The following NECAB1 variants were observed in gnomAD, a reference collection of about 807,000 sequenced individuals.
The protein encoded by NECAB1 is N-terminal EF-hand calcium-binding protein 1.
Under a neutral mutation model 57.5 loss-of-function variants are expected in NECAB1, and 29 were observed. The observed-to-expected ratio is 0.50, with a 90% CI of 0.38 to 0.69. The LOEUF (loss-of-function observed/expected upper bound fraction) is 0.69. Among genes scored for constraint, NECAB1 ranks in the 30% least tolerant of loss-of-function variants. The pLI is 0.00. For synonymous variants in NECAB1, 142 were observed against 147.7 expected, an observed-to-expected ratio of 0.96 and a Z score of 0.28; for missense variants, 372 against 413.8, an observed-to-expected ratio of 0.90 and a Z score of 0.88.
chr8:90,945,476 A>G (rs997626476), intron 10 of NECAB1, among the ~76,000 whole-genome samples: 4 of 152,212 alleles, frequency 2.6e-5, no homozygotes, highest in Non-Finnish European at 4.4e-5. Context: ...TTGGGATAAC[A>G]GGAGTGAGCC....
chr8:90,867,565 G>A (rs1034211232), intron 3 of NECAB1, among the ~76,000 whole-genome samples: 11 of 151,886 alleles, frequency 7.2e-5, no homozygotes, highest in African/African-American at 1.9e-4. Flanking sequence ...CTATCATTCC[G>A]AGACTTCTAA....
At chr8:90,893,536 G>C (rs1179308394) in intron 5 of NECAB1, among the ~76,000 whole-genome samples, 1 of 152,164 alleles carries the variant, frequency 6.6e-6, no homozygotes, top group Non-Finnish European at 1.5e-5. Flanking sequence ...GCCCAGATGG[G>C]TGTCCCTTCC....
chr8:90,814,841 G>T (rs899402051), intron 2 of NECAB1, among the ~76,000 whole-genome samples: 1 of 152,088 alleles, frequency 6.6e-6, no homozygotes, highest in Non-Finnish European at 1.5e-5. Context: ...AGAAACCAAG[G>T]TCTGGATAAT....
chr8:90,951,886 C>G (rs555602888), intron 12 of NECAB1, among the ~76,000 whole-genome samples: 1 of 151,944 alleles, frequency 6.6e-6, no homozygotes, highest in Non-Finnish European at 1.5e-5. Context: ...TTGAGCTAGT[C>G]CTTAAAAGAT....
At chr8:90,800,067 A>T (rs768561063) in intron 1 of NECAB1, among the ~76,000 whole-genome samples, 9 of 152,086 alleles carry the variant, frequency 5.9e-5, no homozygotes, top group Non-Finnish European at 8.8e-5. Flanking sequence ...TTGTGTAGCT[A>T]TTGTAAATGG....
chr8:90,906,426 C>T (rs1809650353), intron 5 of NECAB1, among the ~76,000 whole-genome samples: 1 of 152,110 alleles, frequency 6.6e-6, no homozygotes, highest in Non-Finnish European at 1.5e-5. Context: ...AGTGTTCCAG[C>T]TTCAACCCCC....
chr8:90,890,244 CTGTTCTCG>C (rs1266417504), intron 5 of NECAB1, among the ~76,000 whole-genome samples: 1 of 152,124 alleles, frequency 6.6e-6, no homozygotes, highest in Non-Finnish European at 1.5e-5. Flanking sequence ...TTCCTCCATG[CTGTTCTCG>C]TGATAGTGAA....
At chr8:90,810,096 T>C (rs1811932160) in intron 2 of NECAB1, among the ~76,000 whole-genome samples, 1 of 152,226 alleles carries the variant, frequency 6.6e-6, no homozygotes, top group African/African-American at 2.4e-5. Flanking sequence ...ATCCAGATTT[T>C]CTTCTAAACT....
chr8:90,885,930 A>C (rs1192188582), intron 5 of NECAB1, among the ~76,000 whole-genome samples: 1 of 152,218 alleles, frequency 6.6e-6, no homozygotes, highest in Non-Finnish European at 1.5e-5. Context: ...TCCAGAGCTC[A>C]GTGTAATATG....
At chr8:90,919,254 T>C (rs932803914) in intron 6 of NECAB1, among the ~76,000 whole-genome samples, 3 of 152,148 alleles carry the variant, frequency 2.0e-5, no homozygotes, top group African/African-American at 4.8e-5. Flanking sequence ...CTGGGGCATA[T>C]TTTGGCAGAT....
chr8:90,849,416 C>T (rs1289244759), intron 3 of NECAB1, among the ~76,000 whole-genome samples: 1 of 151,032 alleles, frequency 6.6e-6, no homozygotes, highest in Non-Finnish European at 1.5e-5. Context: ...CAGCAATGAG[C>T]TATGATTGGG....
At position 90,808,674 on chromosome 8, in the gene NECAB1, C is replaced by T. The variant is rs1304871385; in HGVS notation, c.124+6959C>T. 5.2e-5 allele frequency among the ~76,000 whole-genome samples: 5 copies of T among 96,168 alleles called. No individual in the cohort carries two copies. The South Asian group carries it at 1.4e-3, about 28-fold the overall frequency. 63.1% of individuals were successfully genotyped at this position (96,168 alleles called of 152,430 possible). On this transcript the variant is annotated intron_variant, in intron 2 of 12. Coordinates refer to ENST00000417640, the MANE Select transcript of NECAB1 (RefSeq NM_022351.5). ...TTTTTTTTTTTTTTTGAGATGGAAT[C>T]TCACTTTGTCGCCCAGGCTGGAGTG...
chr8:90,815,497 A>G (rs974230603), intron 2 of NECAB1, among the ~76,000 whole-genome samples: 2 of 152,034 alleles, frequency 1.3e-5, no homozygotes, highest in Non-Finnish European at 1.5e-5. Flanking sequence ...AGCATGTCAT[A>G]CAAAATAGTT....
intron 3 of NECAB1, among the ~76,000 whole-genome samples, chr8:90,830,475 T>C (rs1812284580): frequency 6.6e-6 from 1 of 152,084 alleles, no homozygotes; most frequent in East Asian, 1.9e-4. Context: ...TACATCAGAC[T>C]AACATGCAAT....
intron 4 of NECAB1, among the ~76,000 whole-genome samples, chr8:90,873,100 A>G (rs1483365630): frequency 2.0e-5 from 3 of 152,220 alleles, no homozygotes; most frequent in African/African-American, 7.2e-5. Context: ...ATCAGAATAC[A>G]GGGTTTCAAG....
chr8:90,827,747 A>T (rs934853258), intron 3 of NECAB1, among the ~76,000 whole-genome samples: 5 of 151,998 alleles, frequency 3.3e-5, no homozygotes, highest in Non-Finnish European at 7.4e-5. Context: ...GATTATGAAA[A>T]GCAAATATTG....
At position 90,917,528 on chromosome 8, in the gene NECAB1, A is replaced by C; in HGVS notation, c.394A>C (p.Thr132Pro). 6.2e-7 allele frequency: 1 copy of C among 1,612,186 alleles called. No homozygotes were observed. The highest frequency in any genetic ancestry group is 8.5e-7 in the Non-Finnish European group (1 of 1,178,822). The change falls in exon 6 of 13, where the codon ACT (threonine) becomes CCT (proline). Residue 132 changes from threonine (T) to proline (P), a missense_variant. Transcript: ENST00000417640. ...QEASNLEQFVTRFLLKETLNQ... is the reference protein window; with the variant it reads ...QEASNLEQFVPRFLLKETLNQ... ...AGCCTCCAATTTGGAACAATTCGTAACTAGATTTTTATTGAAGGAAACCCT... is the reference window on the plus strand; with the variant it reads ...AGCCTCCAATTTGGAACAATTCGTACCTAGATTTTTATTGAAGGAAACCCT...
intron 7 of NECAB1, 139 bp from the exon 8 acceptor site, chr8:90,928,084 G>T (rs768075979): frequency 2.0e-5 from 13 of 652,056 alleles, no homozygotes; most frequent in African/African-American, 1.9e-4. Context: ...GAAAGCACTC[G>T]TGAATACATT....
At chr8:90,841,353 C>T (rs1436731031) in intron 3 of NECAB1, among the ~76,000 whole-genome samples, 1 of 152,072 alleles carries the variant, frequency 6.6e-6, no homozygotes, top group Non-Finnish European at 1.5e-5. Flanking sequence ...GAGAGCCCTT[C>T]AAGATTAATA....
Sources: allele counts gnomAD v4.1 joint callset (sites outside exome capture counted in the v4.1 genomes callset), GRCh38; gene constraint gnomAD v4.1.1; transcripts MANE v1.5; gene names NCBI Gene and HGNC (gene_info 2026-07-23, HGNC 2026-07-21).